Variants in NAB2 observed in about 807,000 individuals in gnomAD.
NAB2 encodes NGFI-A binding protein 2.
A neutral mutation model predicts 44.2 loss-of-function variants in NAB2; 9 were observed. That is an observed-to-expected ratio of 0.20 (90% CI 0.12 to 0.36). NAB2 has a LOEUF of 0.36. Among genes scored for constraint, NAB2 ranks in the 10% least tolerant of loss-of-function variants. The pLI is 1.00. For synonymous variants in NAB2, 342 were observed against 291.0 expected, an observed-to-expected ratio of 1.18 and a Z score of -1.78; for missense variants, 514 against 709.0, an observed-to-expected ratio of 0.73 and a Z score of 3.12.
intron 5 of NAB2, 83 bp downstream of exon 5, chr12:57,093,278 C>A (rs2033235560): frequency 1.3e-6 from 2 of 1,488,778 alleles, no homozygotes; most frequent in Admixed American, 2.2e-5. Flanking sequence ...AGCCAGGAGG[C>A]AGTGCCTGAA....
At position 57,094,974 on chromosome 12, in the gene NAB2, A is replaced by T; in HGVS notation, c.*253A>T. 2.0e-6 allele frequency: 1 copy of T among 512,050 alleles called. No individual in the cohort carries two copies. Among genetic ancestry groups the T allele is most frequent in the South Asian group, 2.5e-5 (1 of 39,346 alleles). The allele number at this position is 512,050 out of a possible 1,614,324, so 31.7% of individuals were successfully genotyped here. On this transcript the variant is annotated 3_prime_UTR_variant, in exon 7 of 7. Transcript: ENST00000300131. ...GCGAGGGGGCAAGGACTCTGCCTCC[A>T]GGGCATCTGGGGTTTTCCCCTCCCT... is the stretch of plus-strand genomic sequence containing the variant.
chr12:57,094,330 G>A (rs528033081), intron 6 of NAB2, among the ~76,000 whole-genome samples: 18 of 151,710 alleles, frequency 1.2e-4, no homozygotes, highest in African/African-American at 3.9e-4. Context: ...AACCACCCCC[G>A]CAGCTCCTGA....
At chr12:57,090,533 C>T (rs1469531999) in intron 1 of NAB2, among the ~76,000 whole-genome samples, 4 of 152,134 alleles carry the variant, frequency 2.6e-5, no homozygotes, top group South Asian at 2.1e-4. Context: ...AAAAGCTGAG[C>T]GGAGAAGAGT....
chr12:57,089,421 GA>G, intron 1 of NAB2, 67 bp downstream of exon 1: 1 of 1,417,228 alleles, frequency 7.1e-7, no homozygotes, highest in Non-Finnish European at 9.6e-7. Flanking sequence ...ATGGGGTCCA[GA>G]GGGCGGAGGT....
At chr12:57,092,625 A>G (rs781477025) in intron 3 of NAB2, 44 bp downstream of exon 3, 5 of 1,606,690 alleles carry the variant, frequency 3.1e-6, no homozygotes, top group Middle Eastern at 1.6e-4. Context: ...GAATCCTGCT[A>G]TGGAGTTAGA....
In NAB2 at chr12:57,091,098, CCT is replaced by C. The variant is rs1565672906; in HGVS notation, c.84-20_84-19del. 4 of 1,497,958 alleles carry C rather than the reference CCT, an allele frequency of 2.7e-6. No homozygotes were observed. The highest frequency in any genetic ancestry group is 3.6e-6 in the Non-Finnish European group (4 of 1,121,082). 92.8% of individuals were successfully genotyped at this position (1,497,958 alleles called of 1,614,324 possible). A position where few individuals can be genotyped will look rare whatever the true frequency, so the allele number is the denominator to read the frequency against. On this transcript the variant is annotated intron_variant, in intron 1 of 6. Transcript: ENST00000300131. The surrounding 1 kb of genome is among the most constrained non-coding windows in gnomAD (Gnocchi z 7.3). ...CCAGTAGGGGGACTTGCACCGACTG[CCT>C]CTCTCTTGTGCCCCTCCTTCTCAGG...
In NAB2 at chr12:57,089,251, C is replaced by G. The variant is rs935193323; in HGVS notation, c.-21C>G. On this transcript the variant is annotated 5_prime_UTR_variant, in exon 1 of 7. Transcript: ENST00000300131. ...AGCGCCGGGCACCGAGAAGGGCAGCCCGGGTGATCTCCGGCCGTCCATGCA... is the reference window on the plus strand; with the variant it reads ...AGCGCCGGGCACCGAGAAGGGCAGCGCGGGTGATCTCCGGCCGTCCATGCA... 6.4e-7 allele frequency: 1 copy of G among 1,563,410 alleles called. No individual in the cohort carries two copies. Among genetic ancestry groups the G allele is most frequent in the Admixed American group, 1.9e-5 (1 of 52,376 alleles).
At chr12:57,092,864 A>C (rs324019) in intron 3 of NAB2, 53 bp from the exon 4 acceptor site, 23 of 1,600,744 alleles carry the variant, frequency 1.4e-5, no homozygotes, top group Admixed American at 5.0e-5. Context: ...GTGCTCTGCC[A>C]GTCGAGTGGC....
chr12:57,091,714 C>T lies in NAB2; in HGVS notation c.673C>T (p.Leu225=). The T allele has an allele frequency of 1.2e-6, 2 of 1,613,702 alleles. No individual in the cohort carries two copies. The highest frequency in any genetic ancestry group is 1.1e-5 in the South Asian group (1 of 91,070). Residue 225 remains leucine (L), a synonymous_variant, in exon 2 of 7, where the codon CTG becomes TTG. Transcript: ENST00000300131. The surrounding 1 kb of genome is among the most constrained non-coding windows in gnomAD (Gnocchi z 7.3). ...GVPEGTGAGG[L]AAGGTGGGPD... is the part of the protein sequence containing the mutation. ...CCCTGAGGGGACTGGGGCTGGGGGG[C>T]TGGCAGCAGGTGGGACTGGGGGTGG...
rs202195313 is a variant in NAB2, at chr12:57,091,194, C to A, written c.153C>A (p.Arg51=). 2 of 1,559,980 alleles carry A rather than the reference C, an allele frequency of 1.3e-6. No homozygotes were observed. The highest frequency in any genetic ancestry group is 1.7e-6 in the Non-Finnish European group (2 of 1,148,430). Residue 51 remains arginine (R), a synonymous_variant, in exon 2 of 7, where the codon CGC becomes CGA. Transcript: ENST00000300131. This position sits in a 1 kb window ranked among gnomAD's most constrained non-coding sequence, Gnocchi z 7.3. ...GELQLYRVLQ[R]ANLLSYYETF... The stretch of plus-strand genomic sequence containing the variant: ...TGCAGCTGTACCGGGTCCTGCAGCG[C>A]GCCAACCTCCTTTCCTACTATGAGA...
rs779881328 is a variant in NAB2 at position 57,091,085 on chromosome 12, C to G, written c.84-40C>G. On this transcript the variant is annotated intron_variant, in intron 1 of 6. Transcript: ENST00000300131. The surrounding 1 kb of genome is among the most constrained non-coding windows in gnomAD (Gnocchi z 7.3). ...TGTGGGTTGGTACCCAGTAGGGGGA[C>G]TTGCACCGACTGCCTCTCTCTTGTG... The G allele has an allele frequency of 1.4e-6, 2 of 1,477,738 alleles. No individual in the cohort carries two copies. The highest frequency in any genetic ancestry group is 1.8e-6 in the Non-Finnish European group (2 of 1,104,286). 91.5% of individuals were successfully genotyped at this position (1,477,738 alleles called of 1,614,324 possible). A position where few individuals can be genotyped will look rare whatever the true frequency, so the allele number is the denominator to read the frequency against.
intron 3 of NAB2, 123 bp from the exon 4 acceptor site, chr12:57,092,794 T>C: frequency 7.1e-7 from 1 of 1,402,868 alleles, no homozygotes; most frequent in Non-Finnish European, 1.0e-6. Context: ...AACTAGAGAC[T>C]CTTTCTCGGC....
intron 1 of NAB2, among the ~76,000 whole-genome samples, chr12:57,090,177 C>T (rs1035187804): frequency 3.3e-5 from 5 of 151,746 alleles, no homozygotes; most frequent in African/African-American, 1.2e-4. Context: ...AGAGAGGAAG[C>T]GTGCGTTAAG....
chr12:57,094,720 G>A lies in NAB2; in HGVS notation c.1577G>A (p.Ter526=). Residue 526 remains the stop codon, a stop_retained_variant, in exon 7 of 7, where the codon TGA becomes TAA. Coordinates refer to ENST00000300131, the MANE Select transcript of NAB2 (RefSeq NM_005967.4). Reference sequence around the variant, plus strand: ...GTGGAGGCTGAGGCCAGCCGGCAGTGAGGGTTGGACTGGTGTCTTCAGACC... The same window carrying A: ...GTGGAGGCTGAGGCCAGCCGGCAGTAAGGGTTGGACTGGTGTCTTCAGACC... ...VKVEAEASRQ[*] 1 of 1,551,002 alleles carries A rather than the reference G, an allele frequency of 6.4e-7. No individual in the cohort carries two copies.
chr12:57,089,806 C>G (rs911326824), intron 1 of NAB2, among the ~76,000 whole-genome samples: 2 of 152,118 alleles, frequency 1.3e-5, no homozygotes, highest in Non-Finnish European at 2.9e-5. Context: ...GGCAGGGAGG[C>G]CTTAGGCGTT....
Position 57,094,761 on chromosome 12 carries a change from C to CT in NAB2, c.*41dup. ...TCTTCAGACCCAGGACCTCAGACTT[C>CT]TGGCTCACACAGACCCCCACGCTCT... On this transcript the variant is annotated 3_prime_UTR_variant, in exon 7 of 7. Transcript: ENST00000300131. The CT allele has an allele frequency of 6.7e-7, 1 of 1,487,318 alleles. No individual in the cohort carries two copies. The highest frequency in any genetic ancestry group is 2.5e-5 in the East Asian group (1 of 40,514). The allele number at this position is 1,487,318 out of a possible 1,614,324, so 92.1% of individuals were successfully genotyped here.
Position 57,092,214 on chromosome 12 carries a change from A to G in NAB2, c.957+216A>G, listed in dbSNP as rs1298529731. ...AGATACAGGCAGCACCGAGCTGTTC[A>G]GCTCCTTGTCACTCAGGACCCCACA... On this transcript the variant is annotated intron_variant, in intron 2 of 6. Coordinates refer to ENST00000300131, the MANE Select transcript of NAB2 (RefSeq NM_005967.4). 4.8e-6 allele frequency: 5 copies of G among 1,043,138 alleles called. No individual in the cohort carries two copies. In the African/African-American group the frequency reaches 6.5e-5, roughly 14 times the overall value. The allele number at this position is 1,043,138 out of a possible 1,614,324, so 64.6% of individuals were successfully genotyped here. A position where few individuals can be genotyped will look rare whatever the true frequency, so the allele number is the denominator to read the frequency against.
At position 57,094,771 on chromosome 12, in the gene NAB2, C is replaced by A; in HGVS notation, c.*50C>A. The A allele has an allele frequency of 2.1e-6, 3 of 1,428,522 alleles. No individual in the cohort carries two copies. The highest frequency in any genetic ancestry group is 1.2e-5 in the South Asian group (1 of 80,086). 88.5% of individuals were successfully genotyped at this position (1,428,522 alleles called of 1,614,324 possible). The stretch of plus-strand genomic sequence containing the variant: ...CAGGACCTCAGACTTCTGGCTCACA[C>A]AGACCCCCACGCTCTCCATCCCCGG... On this transcript the variant is annotated 3_prime_UTR_variant, in exon 7 of 7. Transcript: ENST00000300131.
At chr12:57,090,707 C>T (rs2033168122) in intron 1 of NAB2, among the ~76,000 whole-genome samples, 2 of 152,178 alleles carry the variant, frequency 1.3e-5, no homozygotes, top group African/African-American at 4.8e-5. Context: ...GGTGACTTCA[C>T]TTCAGTGTTG....
Sources: allele counts gnomAD v4.1 joint callset (sites outside exome capture counted in the v4.1 genomes callset), GRCh38; gene constraint gnomAD v4.1.1; non-coding constraint Gnocchi (gnomAD v3.1); transcripts MANE v1.5; gene names NCBI Gene and HGNC (gene_info 2026-07-23, HGNC 2026-07-21).